Variants in LAMP3 observed in about 807,000 individuals in gnomAD.
The protein encoded by LAMP3 is lysosome-associated membrane glycoprotein 3.
In LAMP3, 26 loss-of-function variants were observed where a neutral mutation model predicts 34.8. The observed-to-expected ratio is 0.75, with a 90% CI of 0.55 to 1.04. The LOEUF is 1.04. LAMP3 is among the 50% of genes least tolerant of loss of function. LAMP3 has a pLI of 0.00. For synonymous variants in LAMP3, 180 were observed against 201.9 expected (o/e 0.89, Z 0.92); for missense variants, 495 against 524.0 (o/e 0.94, Z 0.54).
chr3:183,147,009 C>T (rs1720463602), intron 3 of LAMP3, among the ~76,000 whole-genome samples: 2 of 151,784 alleles, frequency 1.3e-5, no homozygotes, highest in Admixed American at 1.3e-4. Flanking sequence ...TTTGGGAGGC[C>T]GAGGCAGGTG....
Position 183,124,075 on chromosome 3 carries a change from C to A in LAMP3, c.*6G>T. 6.2e-7 allele frequency: 1 copy of A among 1,614,046 alleles called. No individual in the cohort carries two copies. Among genetic ancestry groups the A allele is most frequent in the Non-Finnish European group, 8.5e-7 (1 of 1,179,950 alleles). On this transcript the variant is annotated 3_prime_UTR_variant, in exon 6 of 6. Coordinates refer to ENST00000265598, the MANE Select transcript of LAMP3 (RefSeq NM_014398.4). ...TTCCATTATTTTCATTCCCCCCGGGCAACAATTAGATTCTCTGGTATCCAG... is the reference window on the plus strand; with the variant it reads ...TTCCATTATTTTCATTCCCCCCGGGAAACAATTAGATTCTCTGGTATCCAG...
chr3:183,154,765 T>A (rs201481736), intron 1 of LAMP3, among the ~76,000 whole-genome samples: 1 of 152,202 alleles, frequency 6.6e-6, no homozygotes, highest in Non-Finnish European at 1.5e-5. Context: ...CATAAAATAG[T>A]GTTCCTGGGT....
intron 3 of LAMP3, among the ~76,000 whole-genome samples, chr3:183,144,841 G>A (rs1720392542): frequency 6.6e-6 from 1 of 152,206 alleles, no homozygotes; most frequent in African/African-American, 2.4e-5. Context: ...AGGAGGCTGA[G>A]GCTGCAGTGA....
At chr3:183,149,708 A>T (rs1720571918) in intron 3 of LAMP3, among the ~76,000 whole-genome samples, 1 of 151,300 alleles carries the variant, frequency 6.6e-6, no homozygotes, top group African/African-American at 2.4e-5. Flanking sequence ...ATTTTAAAAT[A>T]ACTGAGAGTA....
At chr3:183,130,558 G>A (rs1025863117) in intron 5 of LAMP3, among the ~76,000 whole-genome samples, 3 of 152,156 alleles carry the variant, frequency 2.0e-5, no homozygotes, top group East Asian at 1.9e-4. Context: ...ATGCTTGAGC[G>A]TGGCAGTCGA....
intron 5 of LAMP3, chr3:183,132,227 A>G: frequency 1.0e-6 from 1 of 984,176 alleles, no homozygotes. Flanking sequence ...AAAAAGTGAA[A>G]TAGGCAGTTT....
chr3:183,136,094 C>T (rs150736848), intron 4 of LAMP3, among the ~76,000 whole-genome samples: 276 of 152,198 alleles, frequency 1.8e-3, no homozygotes, highest in African/African-American at 6.5e-3. Flanking sequence ...AAGGGAGACA[C>T]CTCACATAAA....
intron 3 of LAMP3, among the ~76,000 whole-genome samples, chr3:183,150,373 C>G (rs1206158700): frequency 2.0e-5 from 3 of 152,148 alleles, no homozygotes; most frequent in Non-Finnish European, 4.4e-5. Flanking sequence ...AAAGAAATCT[C>G]TGTTTGCAGG....
At chr3:183,142,652 C>T (rs1190526764) in intron 3 of LAMP3, among the ~76,000 whole-genome samples, 2 of 152,110 alleles carry the variant, frequency 1.3e-5, no homozygotes, top group Non-Finnish European at 2.9e-5. Context: ...ACATTTTCCT[C>T]CATGGGATGT....
rs58229572 is a variant in LAMP3, at chr3:183,140,410, C to CAAA, written c.946+125_946+127dup. 2.2e-4 allele frequency: 43 copies of CAAA among 194,486 alleles called. 1 individual carries two copies. Among genetic ancestry groups the CAAA allele is most frequent in the African/African-American group, 1.4e-3 (19 of 13,232 alleles). The allele number at this position is 194,486 out of a possible 1,614,324, so 12.0% of individuals were successfully genotyped here. On this transcript the variant is annotated intron_variant, in intron 4 of 5. Transcript: ENST00000265598. ...TGGGAAACAGAGCAAGACTCCATCT[C>CAAA]AAAAAAAAAAAAAAAAAAAAAAAAA...
intron 3 of LAMP3, among the ~76,000 whole-genome samples, chr3:183,150,704 GT>G (rs1720604326): frequency 6.6e-6 from 1 of 150,840 alleles, no homozygotes; most frequent in Non-Finnish European, 1.5e-5. Context: ...CTACAAGCAT[GT>G]GCTACCATGC....
intron 4 of LAMP3, among the ~76,000 whole-genome samples, chr3:183,138,810 T>G (rs1306156260): frequency 6.6e-6 from 1 of 152,156 alleles, no homozygotes; most frequent in African/African-American, 2.4e-5. Flanking sequence ...GGCCTGGCTC[T>G]CTGTCCCTCG....
At position 183,123,957 on chromosome 3, in the gene LAMP3, A is replaced by T; in HGVS notation, c.*124T>A. 1.0e-6 allele frequency: 1 copy of T among 979,060 alleles called. No individual in the cohort carries two copies. The highest frequency in any genetic ancestry group is 1.5e-6 in the Non-Finnish European group (1 of 645,554). The allele number at this position is 979,060 out of a possible 1,614,324, so 60.6% of individuals were successfully genotyped here. On this transcript the variant is annotated 3_prime_UTR_variant, in exon 6 of 6. Coordinates refer to ENST00000265598, the MANE Select transcript of LAMP3 (RefSeq NM_014398.4). ...AATCACACATGACTCACTTCATTTGAATAGAAGATGGTGGTTTACATTGTT... is the reference window on the plus strand; with the variant it reads ...AATCACACATGACTCACTTCATTTGTATAGAAGATGGTGGTTTACATTGTT...
At chr3:183,140,332 G>A (rs986240825) in intron 4 of LAMP3, among the ~76,000 whole-genome samples, 2 of 144,868 alleles carry the variant, frequency 1.4e-5, no homozygotes, top group Non-Finnish European at 3.0e-5. Context: ...GCTTGAACAC[G>A]GGAGGCAGAG....
intron 1 of LAMP3, among the ~76,000 whole-genome samples, chr3:183,158,393 G>C (rs1162663746): frequency 1.3e-5 from 2 of 152,136 alleles, no homozygotes; most frequent in African/African-American, 4.8e-5. Context: ...GCAGAAGCAA[G>C]GGCAGGCATA....
intron 1 of LAMP3, among the ~76,000 whole-genome samples, chr3:183,160,636 G>A (rs575969515): frequency 1.9e-4 from 29 of 152,282 alleles, no homozygotes; most frequent in African/African-American, 5.8e-4. Flanking sequence ...CTGTAAAATA[G>A]GGATAAGAAT....
chr3:183,124,244 G>A (rs1347794151), intron 5 of LAMP3, 30 bp from the exon 6 acceptor site: 2 of 1,503,758 alleles, frequency 1.3e-6, no homozygotes, highest in Non-Finnish European at 1.8e-6. Flanking sequence ...CAATACAGTG[G>A]GTAAGGTTTG....
rs1720955334 is a variant in LAMP3, at chr3:183,160,851, A to G, written c.49+1756T>C. The G allele has an allele frequency of 2.0e-5, 3 of 152,188 alleles. No individual in the cohort carries two copies. The South Asian group carries it at 6.2e-4, about 32-fold the overall frequency. 9.4% of individuals were successfully genotyped at this position (152,188 alleles called of 1,614,324 possible). A position where few individuals can be genotyped will look rare whatever the true frequency, so the allele number is the denominator to read the frequency against. ...CAAGTAAAACGGAGACAATAGCAGT[A>G]CTTACAAAGCTGTTTTGTGGATTAA... On this transcript the variant is annotated intron_variant, in intron 1 of 5. Transcript: ENST00000265598.
chr3:183,152,564 C>T, intron 2 of LAMP3, 61 bp from the exon 3 acceptor site: 1 of 1,472,182 alleles, frequency 6.8e-7, no homozygotes, highest in East Asian at 2.4e-5. Context: ...GCTAGGGAAC[C>T]AGATGCACAG....
Sources: gnomAD v4.1 joint callset for allele counts (sites outside exome capture counted in the v4.1 genomes callset) on GRCh38, gnomAD v4.1.1 for gene constraint, MANE v1.5 for transcripts, NCBI Gene and HGNC (gene_info 2026-07-23, HGNC 2026-07-21) for gene names.